The following ITGB1BP1 variants were observed in gnomAD, a reference collection of about 807,000 sequenced individuals.
ITGB1BP1 encodes integrin beta-1-binding protein 1.
ITGB1BP1 carries 20 observed loss-of-function variants against 28.0 expected under a neutral mutation model. The observed-to-expected ratio is 0.71, with a 90% CI of 0.50 to 1.04. The LOEUF is 1.04. Among genes scored for constraint, ITGB1BP1 ranks in the 50% least tolerant of loss-of-function variants. ITGB1BP1 has a pLI of 0.00. For synonymous variants in ITGB1BP1, 103 were observed against 89.5 expected, an observed-to-expected ratio of 1.15 and a Z score of -0.85; for missense variants, 228 against 242.5, an observed-to-expected ratio of 0.94 and a Z score of 0.40.
At chr2:9,417,084 T>G (rs1013886987) in intron 2 of ITGB1BP1, among the ~76,000 whole-genome samples, 2 of 152,074 alleles carry the variant, frequency 1.3e-5, no homozygotes, top group Non-Finnish European at 2.9e-5. Context: ...CTCCTGCCCT[T>G]TCCCTGCTCA....
chr2:9,408,093 TA>T lies in ITGB1BP1; in HGVS notation c.381+19del. The T allele has an allele frequency of 7.7e-7, 1 of 1,290,584 alleles. No homozygotes were observed. The highest frequency in any genetic ancestry group is 1.1e-6 in the Non-Finnish European group (1 of 899,786). 79.9% of individuals were successfully genotyped at this position (1,290,584 alleles called of 1,614,324 possible). ...CCTGTTATCTAAAACATAGTTTTCT[TA>T]ATAAATTATATTACTTACATATTGA... On this transcript the variant is annotated intron_variant, in intron 5 of 6. Transcript: ENST00000355346.
At chr2:9,406,953 C>T (rs758038933) in intron 6 of ITGB1BP1, 48 bp from the exon 7 acceptor site, 10 of 1,433,312 alleles carry the variant, frequency 7.0e-6, no homozygotes, top group East Asian at 2.3e-5. Context: ...TCTGTCTCTT[C>T]GTGAACTTAA....
intron 3 of ITGB1BP1, 41 bp from the exon 4 acceptor site, chr2:9,412,446 T>C (rs1243807349): frequency 1.9e-6 from 3 of 1,547,824 alleles, no homozygotes; most frequent in Non-Finnish European, 2.6e-6. Context: ...AGAAGAAATA[T>C]CTGCATTACA....
In ITGB1BP1 at chr2:9,407,182, G is replaced by A. The variant is rs78689958; in HGVS notation, c.531+267C>T. 1,222 of 599,076 alleles carry A rather than the reference G, an allele frequency of 2.0e-3. 7 individuals carry two copies. Among genetic ancestry groups the A allele is most frequent in the East Asian group, 0.012 (440 of 36,320 alleles). The allele number at this position is 599,076 out of a possible 1,614,324, so 37.1% of individuals were successfully genotyped here. On this transcript the variant is annotated intron_variant, in intron 6 of 6. Transcript: ENST00000355346. ...ACGTTCGGAAATGGAAGAAGCCTTC[G>A]GCCCCTGGAGGATACATTTTTCCTC...
intron 4 of ITGB1BP1, among the ~76,000 whole-genome samples, chr2:9,408,814 C>T (rs1280637329): frequency 6.6e-6 from 1 of 152,232 alleles, no homozygotes; most frequent in African/African-American, 2.4e-5. Flanking sequence ...GCAAAATTCA[C>T]ATCCATCCCT....
Position 9,407,518 on chromosome 2 carries a change from T to C in ITGB1BP1, c.462A>G (p.Leu154=). 2 of 1,614,126 alleles carry C rather than the reference T, an allele frequency of 1.2e-6. No homozygotes were observed. The highest frequency in any genetic ancestry group is 8.5e-7 in the Non-Finnish European group (1 of 1,180,008). Residue 154 remains leucine (L), a synonymous_variant, in exon 6 of 7, where the codon TTA becomes TTG. Coordinates refer to ENST00000355346, the MANE Select transcript of ITGB1BP1 (RefSeq NM_004763.5). ...YDDGLGAGKS[L]LALKTTDASN... Reference sequence around the variant, plus strand: ...TTGCATCTGTGGTCTTCAGAGCCAGTAAGCTTTTTCCCGCCCCCAGACCGT... The same window carrying C: ...TTGCATCTGTGGTCTTCAGAGCCAGCAAGCTTTTTCCCGCCCCCAGACCGT...
In ITGB1BP1 at chr2:9,405,535, C is replaced by CACA. The variant is rs1228480384; in HGVS notation, c.*1296_*1298dup. 1 of 152,580 alleles carries CACA rather than the reference C, an allele frequency of 6.6e-6. No homozygotes were observed. The highest frequency in any genetic ancestry group is 1.5e-5 in the Non-Finnish European group (1 of 68,036). 9.5% of individuals were successfully genotyped at this position (152,580 alleles called of 1,614,324 possible). On this transcript the variant is annotated 3_prime_UTR_variant, in exon 7 of 7. Transcript: ENST00000355346. ...ATTCACCTGATTACTTTGGTTGCAGCACAACTGTATATATTGTATAACCGA... is the reference window on the plus strand; with the variant it reads ...ATTCACCTGATTACTTTGGTTGCAGCACAACAACTGTATATATTGTATAACCGA...
intron 1 of ITGB1BP1, chr2:9,422,851 C>A (rs1169591256): frequency 7.3e-5 from 72 of 985,944 alleles, no homozygotes; most frequent in Non-Finnish European, 8.1e-5. Context: ...TGCCAAAGCG[C>A]CCGAAGAGTC....
chr2:9,407,583 G>A lies in ITGB1BP1; in HGVS notation c.397C>T (p.His133Tyr). Residue 133 changes from histidine to tyrosine, a missense_variant, in exon 6 of 7, where the codon CAT becomes TAT. By Grantham distance (83) the His-to-Tyr change is moderately conservative. This residue lies in a region of ITGB1BP1 where 192 missense variants were observed against 181.6 expected (regional missense o/e 1.06). Transcript: ENST00000355346. ...ATCCGGATTATTAAGTAGAGAGCAT[G>A]CCTGTGCAAAACATCCTGCAGAAGT... Reference protein sequence around the residue: ...TSDQYDVLHRHALYLIIRMVC... With the variant: ...TSDQYDVLHRYALYLIIRMVC... The A allele has an allele frequency of 6.2e-7, 1 of 1,614,124 alleles. No individual in the cohort carries two copies. Among genetic ancestry groups the A allele is most frequent in the Non-Finnish European group, 8.5e-7 (1 of 1,180,026 alleles).
Position 9,404,692 on chromosome 2 carries a change from C to T in ITGB1BP1, c.*2142G>A, listed in dbSNP as rs1262176624. ...GTTAACTGCATTTGTTGTGATGGTGCATTTGATTGAAGCAGCTTGTCTTTA... is the reference window on the plus strand; with the variant it reads ...GTTAACTGCATTTGTTGTGATGGTGTATTTGATTGAAGCAGCTTGTCTTTA... On this transcript the variant is annotated 3_prime_UTR_variant, in exon 7 of 7. Coordinates refer to ENST00000355346, the MANE Select transcript of ITGB1BP1 (RefSeq NM_004763.5). 1 of 150,680 alleles carries T rather than the reference C, an allele frequency of 6.6e-6. No homozygotes were observed. Among genetic ancestry groups the T allele is most frequent in the African/African-American group, 2.4e-5 (1 of 40,908 alleles). The allele number at this position is 150,680 out of a possible 1,614,324, so 9.3% of individuals were successfully genotyped here. A position where few individuals can be genotyped will look rare whatever the true frequency, so the allele number is the denominator to read the frequency against.
chr2:9,407,717 C>A, intron 5 of ITGB1BP1, 119 bp from the exon 6 acceptor site: 3 of 1,101,570 alleles, frequency 2.7e-6, no homozygotes, highest in East Asian at 2.5e-5. Flanking sequence ...TTTCTCACCC[C>A]AAGGGATGTC....
intron 2 of ITGB1BP1, among the ~76,000 whole-genome samples, chr2:9,416,113 C>T (rs1679097963): frequency 6.6e-6 from 1 of 152,174 alleles, no homozygotes; most frequent in Non-Finnish European, 1.5e-5. Context: ...CCATCCCATC[C>T]CACTCACTCA....
At position 9,405,631 on chromosome 2, in the gene ITGB1BP1, T is replaced by C. The variant is rs41264171; in HGVS notation, c.*1203A>G. On this transcript the variant is annotated 3_prime_UTR_variant, in exon 7 of 7. Coordinates refer to ENST00000355346, the MANE Select transcript of ITGB1BP1 (RefSeq NM_004763.5). ...GCATGTTTAATAAGTTTACTCTTCT[T>C]GTTAACTAGTCATTTGACTGGAAAA... 6.6e-6 allele frequency: 1 copy of C among 152,654 alleles called. No homozygotes were observed. The highest frequency in any genetic ancestry group is 1.5e-5 in the Non-Finnish European group (1 of 68,044). 9.5% of individuals were successfully genotyped at this position (152,654 alleles called of 1,614,324 possible).
chr2:9,415,092 A>T lies in ITGB1BP1; in HGVS notation c.73-836T>A, dbSNP rs57009161. The stretch of plus-strand genomic sequence containing the variant: ...AACCCCGTCTCTACTTAAAAAAAAA[A>T]ATATGGCTGGGTGTGGTGGCTCACG... On this transcript the variant is annotated intron_variant, in intron 2 of 6. Transcript: ENST00000355346. The surrounding 1 kb of genome is among the most constrained non-coding windows in gnomAD (Gnocchi z 4.1). 1.8e-4 allele frequency among the ~76,000 whole-genome samples: 28 copies of T among 151,666 alleles called. No individual in the cohort carries two copies. In the East Asian group the frequency reaches 4.1e-3, roughly 22 times the overall value.
intron 1 of ITGB1BP1, 87 bp from the exon 2 acceptor site, chr2:9,418,819 C>A: frequency 1.1e-6 from 1 of 934,144 alleles, no homozygotes. Context: ...TGCTCTTACC[C>A]AGGCTGGAGT....
chr2:9,423,274 C>G, intron 1 of ITGB1BP1, 99 bp downstream of exon 1: 1 of 1,191,524 alleles, frequency 8.4e-7, no homozygotes, highest in Non-Finnish European at 1.1e-6. Flanking sequence ...CCCCGCGGCC[C>G]CACCCATCCT....
rs1220403968 is a variant in ITGB1BP1, at chr2:9,405,539, A to G, written c.*1295T>C. 1 of 152,638 alleles carries G rather than the reference A, an allele frequency of 6.6e-6. No individual in the cohort carries two copies. The highest frequency in any genetic ancestry group is 1.5e-5 in the Non-Finnish European group (1 of 68,050). The allele number at this position is 152,638 out of a possible 1,614,324, so 9.5% of individuals were successfully genotyped here. On this transcript the variant is annotated 3_prime_UTR_variant, in exon 7 of 7. Coordinates refer to ENST00000355346, the MANE Select transcript of ITGB1BP1 (RefSeq NM_004763.5). ...ACCTGATTACTTTGGTTGCAGCACA[A>G]CTGTATATATTGTATAACCGAAATT...
chr2:9,421,009 C>G (rs146365174), intron 1 of ITGB1BP1, among the ~76,000 whole-genome samples: 190 of 152,298 alleles, frequency 1.2e-3, no homozygotes, highest in African/African-American at 4.4e-3. Context: ...GAGCCTTATT[C>G]CAAGGCCTGC....
chr2:9,413,476 G>A (rs999132051), intron 3 of ITGB1BP1, among the ~76,000 whole-genome samples: 3 of 152,004 alleles, frequency 2.0e-5, no homozygotes, highest in Non-Finnish European at 4.4e-5. Flanking sequence ...TTACAAGCAT[G>A]CGCCACCACG....
Sources: allele counts gnomAD v4.1 joint callset (sites outside exome capture counted in the v4.1 genomes callset), GRCh38; gene constraint gnomAD v4.1.1; regional missense constraint gnomAD v4.1.1; non-coding constraint Gnocchi (gnomAD v3.1); transcripts MANE v1.5; gene names NCBI Gene and HGNC (gene_info 2026-07-23, HGNC 2026-07-21).